The following CAMK1D variants were observed in gnomAD, a reference collection of about 807,000 sequenced individuals.
CAMK1D encodes the protein calcium/calmodulin-dependent protein kinase type 1D.
CAMK1D carries 9 observed loss-of-function variants against 47.7 expected under a neutral mutation model. The observed-to-expected ratio is 0.19, with a 90% CI of 0.11 to 0.33. The LOEUF (loss-of-function observed/expected upper bound fraction) is 0.33. CAMK1D is among the 10% of genes least tolerant of loss of function. CAMK1D has a pLI of 1.00. For missense variants in CAMK1D, 291 were observed against 488.7 expected (o/e 0.60, Z 3.81); for synonymous variants, 184 against 184.9 (o/e 0.99, Z 0.04).
At position 12,747,566 on chromosome 10, in the gene CAMK1D, G is replaced by A. The variant is rs112471467; in HGVS notation, c.300-13382G>A. Among the ~76,000 whole-genome samples the A allele has an allele frequency of 5.8e-4, 88 of 152,258 alleles. 2 individuals carry two copies. The highest frequency in any genetic ancestry group is 1.9e-3 in the African/African-American group (78 of 41,542). The stretch of plus-strand genomic sequence containing the variant: ...TGGTCTTGAACTCCTGGCTTCAAGC[G>A]ATCCTCCTGCCTTGGCTTCCCAGAG... On this transcript the variant is annotated intron_variant, in intron 3 of 10. Coordinates refer to ENST00000619168, the MANE Select transcript of CAMK1D (RefSeq NM_153498.4).
chr10:12,751,076 GAT>G (rs1564535385), intron 3 of CAMK1D, among the ~76,000 whole-genome samples: 699 of 44,492 alleles, frequency 0.016, 6 homozygotes, highest in Middle Eastern at 0.075. Flanking sequence ...GATAAGATAA[GAT>G]AAGATAAGAT....
intron 1 of CAMK1D, among the ~76,000 whole-genome samples, chr10:12,354,467 C>T (rs902185258): frequency 6.6e-6 from 1 of 151,198 alleles, no homozygotes; most frequent in African/African-American, 2.4e-5. Context: ...TGCTCTGTCA[C>T]CAGGCTGGAG....
At chr10:12,557,559 A>G (rs1588630172) in intron 2 of CAMK1D, among the ~76,000 whole-genome samples, 1 of 151,036 alleles carries the variant, frequency 6.6e-6, no homozygotes, top group South Asian at 2.1e-4. Context: ...CTCAAAAAAA[A>G]AAAAAAAAAA....
intron 2 of CAMK1D, among the ~76,000 whole-genome samples, chr10:12,639,570 T>C (rs1383119891): frequency 6.6e-6 from 1 of 152,138 alleles, no homozygotes; most frequent in Non-Finnish European, 1.5e-5. Flanking sequence ...AATTTAATTT[T>C]TCCCCCCAAA....
At chr10:12,500,176 G>A (rs113314392) in intron 1 of CAMK1D, among the ~76,000 whole-genome samples, 5,776 of 152,284 alleles carry the variant, frequency 0.038, 186 homozygotes, top group Non-Finnish European at 0.059. Context: ...TGAGGCAAGA[G>A]AATCGCTTGA....
chr10:12,564,142 T>TCC (rs1837045690), intron 2 of CAMK1D, among the ~76,000 whole-genome samples: 1 of 95,482 alleles, frequency 1.0e-5, no homozygotes, highest in African/African-American at 3.7e-5. Flanking sequence ...TCTCTCTCTC[T>TCC]CTCTGTCTCT....
intron 1 of CAMK1D, among the ~76,000 whole-genome samples, chr10:12,388,230 T>G (rs1032852257): frequency 1.3e-5 from 2 of 152,210 alleles, no homozygotes; most frequent in South Asian, 4.1e-4. Flanking sequence ...TTTTGTCATG[T>G]TGGCCAGGCT....
At chr10:12,397,722 T>C (rs1025031286) in intron 1 of CAMK1D, among the ~76,000 whole-genome samples, 3 of 152,200 alleles carry the variant, frequency 2.0e-5, no homozygotes, top group Non-Finnish European at 2.9e-5. Context: ...GGGTGAGTGT[T>C]GCTTAGAGCC....
intron 3 of CAMK1D, among the ~76,000 whole-genome samples, chr10:12,754,949 G>A (rs556270617): frequency 2.0e-4 from 31 of 152,220 alleles, no homozygotes; most frequent in Admixed American, 5.9e-4. Context: ...GGGGTACTCA[G>A]TTCAGTCCAT....
chr10:12,615,501 TG>T (rs1838757920), intron 2 of CAMK1D, among the ~76,000 whole-genome samples: 1 of 147,530 alleles, frequency 6.8e-6, no homozygotes, highest in African/African-American at 2.7e-5. Flanking sequence ...CATGTGTACA[TG>T]TATAGTTATG....
intron 1 of CAMK1D, among the ~76,000 whole-genome samples, chr10:12,468,238 T>C (rs1833648879): frequency 6.6e-6 from 1 of 152,116 alleles, no homozygotes; most frequent in Non-Finnish European, 1.5e-5. Context: ...TTATATTTTC[T>C]GTAAAGACGG....
In CAMK1D at chr10:12,662,863, G is replaced by A. The variant is rs367999948; in HGVS notation, c.225-3873G>A. Among the ~76,000 whole-genome samples the A allele has an allele frequency of 2.6e-5, 4 of 152,294 alleles. No homozygotes were observed. The South Asian group carries it at 6.2e-4, about 24-fold the overall frequency. On this transcript the variant is annotated intron_variant, in intron 2 of 10. Coordinates refer to ENST00000619168, the MANE Select transcript of CAMK1D (RefSeq NM_153498.4). ...TGGTTATGCATTGGCTCAAAACTAC[G>A]ACAATGAACTTGTTAGCTTTTATTG...
chr10:12,715,078 C>T (rs1834076823), intron 3 of CAMK1D, among the ~76,000 whole-genome samples: 1 of 152,120 alleles, frequency 6.6e-6, no homozygotes, highest in Admixed American at 6.5e-5. Flanking sequence ...ATGTCTGTAT[C>T]CACTCACCAA....
At position 12,539,134 on chromosome 10, in the gene CAMK1D, A is replaced by C. The variant is rs1836081489; in HGVS notation, c.93-14091A>C. ...ATTAATGGATATTTAGGATTTTTCC[A>C]GTGTTCTGCTATTTCAAACTTTTAT... On this transcript the variant is annotated intron_variant, in intron 1 of 10. Coordinates refer to ENST00000619168, the MANE Select transcript of CAMK1D (RefSeq NM_153498.4). 3.9e-5 allele frequency among the ~76,000 whole-genome samples: 6 copies of C among 152,326 alleles called. No individual in the cohort carries two copies. The South Asian group carries it at 1.2e-3, about 32-fold the overall frequency.
intron 1 of CAMK1D, among the ~76,000 whole-genome samples, chr10:12,392,722 C>T (rs1380953059): frequency 6.6e-6 from 1 of 152,100 alleles, no homozygotes; most frequent in Non-Finnish European, 1.5e-5. Context: ...AGCATAGTCA[C>T]TATGTTGTAC....
At chr10:12,677,681 A>G (rs1840857676) in intron 3 of CAMK1D, among the ~76,000 whole-genome samples, 1 of 152,040 alleles carries the variant, frequency 6.6e-6, no homozygotes, top group Non-Finnish European at 1.5e-5. Flanking sequence ...GGGAGGGAAG[A>G]AGAGTCTGTG....
intron 2 of CAMK1D, among the ~76,000 whole-genome samples, chr10:12,573,971 T>G (rs1837412311): frequency 6.6e-6 from 1 of 150,720 alleles, no homozygotes; most frequent in African/African-American, 2.4e-5. Flanking sequence ...CCACTGCACT[T>G]GGCACCTTCT....
intron 8 of CAMK1D, among the ~76,000 whole-genome samples, chr10:12,823,235 G>A (rs553499391): frequency 6.6e-6 from 1 of 152,260 alleles, no homozygotes; most frequent in African/African-American, 2.4e-5. Flanking sequence ...AGGGGTGAGA[G>A]GTTTTCTCCC....
chr10:12,546,759 A>G (rs1015464956), intron 1 of CAMK1D, among the ~76,000 whole-genome samples: 6 of 147,354 alleles, frequency 4.1e-5, no homozygotes, highest in African/African-American at 1.2e-4. Flanking sequence ...GAAGTGAACA[A>G]TGAGAACACA....
Sources: allele counts gnomAD v4.1 joint callset (sites outside exome capture counted in the v4.1 genomes callset), GRCh38; gene constraint gnomAD v4.1.1; transcripts MANE v1.5; gene names NCBI Gene and HGNC (gene_info 2026-07-23, HGNC 2026-07-21).